Variants in DOCK5 observed in about 807,000 individuals in gnomAD.
DOCK5 encodes dedicator of cytokinesis protein 5.
Under a neutral mutation model 251.8 loss-of-function variants are expected in DOCK5, and 142 were observed. That is an observed-to-expected ratio of 0.56 (90% CI 0.49 to 0.65). The LOEUF (loss-of-function observed/expected upper bound fraction) is 0.65, where lower values mean the gene tolerates loss of function less well. DOCK5 is among the 30% of genes least tolerant of loss of function. The pLI is 0.00. For missense variants in DOCK5, 2,111 were observed against 2,312.3 expected (o/e 0.91, Z 1.79); for synonymous variants, 842 against 835.5 (o/e 1.01, Z -0.13).
chr8:25,319,073 C>T (rs1426180726), intron 14 of DOCK5, among the ~76,000 whole-genome samples: 3 of 152,142 alleles, frequency 2.0e-5, no homozygotes, highest in Admixed American at 1.3e-4. Context: ...AGTGCCCCAC[C>T]AAGGCCTGGT....
intron 1 of DOCK5, among the ~76,000 whole-genome samples, chr8:25,230,173 T>C (rs1458626093): frequency 6.6e-6 from 1 of 152,204 alleles, no homozygotes; most frequent in African/African-American, 2.4e-5. Context: ...ACGAGGACTA[T>C]GAGCTCTTTC....
intron 2 of DOCK5, among the ~76,000 whole-genome samples, chr8:25,255,754 G>C (rs1457744119): frequency 6.6e-6 from 1 of 152,200 alleles, no homozygotes; most frequent in African/African-American, 2.4e-5. Context: ...TTGATAGCAG[G>C]GATGTCTTGT....
At chr8:25,194,467 T>C (rs1052362743) in intron 1 of DOCK5, among the ~76,000 whole-genome samples, 3 of 152,076 alleles carry the variant, frequency 2.0e-5, no homozygotes, top group African/African-American at 7.2e-5. Context: ...CTCCCTGCCT[T>C]CCCTCCGCTT....
intron 1 of DOCK5, among the ~76,000 whole-genome samples, chr8:25,186,128 C>G (rs1801425315): frequency 6.6e-6 from 1 of 152,114 alleles, no homozygotes; most frequent in African/African-American, 2.4e-5. Flanking sequence ...AACTCTGTAG[C>G]CAGGAGTCAG....
chr8:25,388,231 C>T (rs902922369), intron 40 of DOCK5, among the ~76,000 whole-genome samples: 1 of 152,174 alleles, frequency 6.6e-6, no homozygotes, highest in Non-Finnish European at 1.5e-5. Flanking sequence ...CTGATCTTCT[C>T]TTTGTGCAAT....
chr8:25,389,474 C>T (rs572226942), intron 41 of DOCK5, among the ~76,000 whole-genome samples: 1 of 152,218 alleles, frequency 6.6e-6, no homozygotes. Context: ...TACTTCGTAG[C>T]CAGATGGGGA....
intron 8 of DOCK5, chr8:25,299,308 G>T: frequency 1.9e-6 from 1 of 517,894 alleles, no homozygotes; most frequent in Non-Finnish European, 3.3e-6. Context: ...TATACTCTCT[G>T]GGATTTAGAG....
intron 8 of DOCK5, 102 bp from the exon 9 acceptor site, chr8:25,300,474 T>C: frequency 9.7e-7 from 1 of 1,027,746 alleles, no homozygotes. Flanking sequence ...CACTGAGCAT[T>C]TCTGGCCTTT....
chr8:25,408,061 C>G lies in DOCK5; in HGVS notation c.5172C>G (p.Asn1724Lys), dbSNP rs780026521. The change falls in exon 49 of 52, where the codon AAC becomes AAG. Residue 1724 changes from asparagine (N) to lysine (K), a missense_variant. Asn to Lys is a moderately conservative substitution (Grantham distance 94, BLOSUM62 0). Transcript: ENST00000276440. ...AAGATCTGTCCCTTAGAGAGGAGAACAGCGAGAACCGGATCAGCAAGTTTA... is the reference window on the plus strand; with the variant it reads ...AAGATCTGTCCCTTAGAGAGGAGAAGAGCGAGAACCGGATCAGCAAGTTTA... ...RVEDLSLREE[N>K]SENRISKFKR... The G allele has an allele frequency of 6.2e-7, 1 of 1,609,122 alleles. No homozygotes were observed. The highest frequency in any genetic ancestry group is 1.3e-5 in the African/African-American group (1 of 74,768).
At chr8:25,347,473 G>A (rs1195771377) in intron 26 of DOCK5, among the ~76,000 whole-genome samples, 1 of 152,166 alleles carries the variant, frequency 6.6e-6, no homozygotes, top group Admixed American at 6.5e-5. Context: ...TGCGATTGGA[G>A]ATTTGGTTCC....
Position 25,254,784 on chromosome 8 carries a change from A to C in DOCK5, c.127+11027A>C, listed in dbSNP as rs1210361596. On this transcript the variant is annotated intron_variant, in intron 2 of 51. Coordinates refer to ENST00000276440, the MANE Select transcript of DOCK5 (RefSeq NM_024940.8). ...GCAAGACTTTGTCTCAAAAAAAAAC[A>C]AAACAAAACAAAAAAAAAAAACATT... Among the ~76,000 whole-genome samples, 5 of 42,454 alleles carry C rather than the reference A, an allele frequency of 1.2e-4. 1 individual carries two copies. The highest frequency in any genetic ancestry group is 3.6e-4 in the African/African-American group (5 of 13,978). The allele number at this position is 42,454 out of a possible 152,430, so 27.9% of individuals were successfully genotyped here.
rs911080215 is a variant in DOCK5, at chr8:25,382,798, T to C, written c.4131+20T>C. 23 of 1,585,772 alleles carry C rather than the reference T, an allele frequency of 1.5e-5. 1 individual carries two copies. The highest frequency in any genetic ancestry group is 2.0e-5 in the Non-Finnish European group (23 of 1,157,766). ...CTACGGGTAAGAAACCTGATGGTGGTCTCCCAGGCCATTAGGAGGAGGGAA... is the reference window on the plus strand; with the variant it reads ...CTACGGGTAAGAAACCTGATGGTGGCCTCCCAGGCCATTAGGAGGAGGGAA... On this transcript the variant is annotated intron_variant, in intron 40 of 51. Coordinates refer to ENST00000276440, the MANE Select transcript of DOCK5 (RefSeq NM_024940.8).
At chr8:25,337,094 T>G (rs946576552) in intron 22 of DOCK5, among the ~76,000 whole-genome samples, 1 of 152,144 alleles carries the variant, frequency 6.6e-6, no homozygotes. Context: ...CTTTTCTCAG[T>G]TAAAGCTTTT....
At chr8:25,211,650 A>G (rs1272989579) in intron 1 of DOCK5, among the ~76,000 whole-genome samples, 1 of 67,892 alleles carries the variant, frequency 1.5e-5, no homozygotes, top group South Asian at 4.1e-4. Flanking sequence ...CTGCAAAAAC[A>G]TTAAAAAATT....
At chr8:25,291,967 A>G in intron 5 of DOCK5, 57 bp from the exon 6 acceptor site, 2 of 1,461,262 alleles carry the variant, frequency 1.4e-6, no homozygotes, top group East Asian at 2.5e-5. Context: ...GGATGTTCCC[A>G]TCCTCTGTCA....
chr8:25,374,496 C>A, intron 36 of DOCK5, 68 bp from the exon 37 acceptor site: 1 of 1,447,938 alleles, frequency 6.9e-7, no homozygotes. Flanking sequence ...GACCCTGTCT[C>A]AAAACAGAAC....
intron 16 of DOCK5, 97 bp from the exon 17 acceptor site, chr8:25,323,751 G>T: frequency 7.5e-7 from 1 of 1,341,384 alleles, no homozygotes; most frequent in South Asian, 1.3e-5. Flanking sequence ...GAATATGGTT[G>T]AACGCTGCAC....
At chr8:25,352,076 G>T (rs1318606701) in intron 27 of DOCK5, among the ~76,000 whole-genome samples, 4 of 152,050 alleles carry the variant, frequency 2.6e-5, no homozygotes, top group Admixed American at 1.3e-4. Context: ...TGGGTGTGGT[G>T]GTGGCACGTG....
chr8:25,271,809 A>C (rs890228268), intron 3 of DOCK5, among the ~76,000 whole-genome samples: 1 of 152,174 alleles, frequency 6.6e-6, no homozygotes, highest in Admixed American at 6.5e-5. Context: ...TCAGAAACAC[A>C]TGACCTAGGT....
Sources: gnomAD v4.1 joint callset for allele counts (sites outside exome capture counted in the v4.1 genomes callset) on GRCh38, gnomAD v4.1.1 for gene constraint, MANE v1.5 for transcripts, NCBI Gene and HGNC (gene_info 2026-07-23, HGNC 2026-07-21) for gene names.